Variants in CTPS2 observed in about 807,000 individuals in gnomAD.
CTPS2 encodes CTP synthase 2.
A neutral mutation model predicts 46.8 loss-of-function variants in CTPS2; 19 were observed. That is an observed-to-expected ratio of 0.41 (90% confidence interval 0.28 to 0.60). The LOEUF is 0.60. Among genes scored for constraint, CTPS2 ranks in the 20% least tolerant of loss-of-function variants. CTPS2 has a pLI of 0.35. For synonymous variants in CTPS2, 151 were observed against 165.2 expected, an observed-to-expected ratio of 0.91 and a Z score of 0.66; for missense variants, 286 against 447.6, an observed-to-expected ratio of 0.64 and a Z score of 3.26.
In CTPS2 at chrX:16,691,600, C is replaced by A; in HGVS notation, c.660G>T (p.Thr220=). ...TCTCCTTCACGGCCATCTCAATGGG[C>A]GTTGAACTTCGGCAGACAATCTGTC... is the stretch of plus-strand genomic sequence containing the variant. The part of the protein sequence containing the change: ...SPDLIVCRSS[T]PIEMAVKEKI... Residue 220 remains threonine (T), a synonymous_variant, in exon 7 of 19, where the codon ACG becomes ACT. Coordinates refer to ENST00000359276, the MANE Select transcript of CTPS2 (RefSeq NM_175859.3). 8.3e-7 allele frequency: 1 copy of A among 1,209,744 alleles called. No homozygotes were observed.
intron 13 of CTPS2, among the ~76,000 whole-genome samples, chrX:16,653,336 C>T (rs1416817956): frequency 8.9e-6 from 1 of 112,037 alleles, no homozygotes; most frequent in Non-Finnish European, 1.9e-5. Flanking sequence ...ACATCTCAAG[C>T]AGTGGTTCTC....
chrX:16,639,046 G>A, intron 14 of CTPS2, 101 bp downstream of exon 14: 1 of 627,204 alleles, frequency 1.6e-6, no homozygotes, highest in Non-Finnish European at 2.7e-6. Flanking sequence ...CGAGGATGCT[G>A]GAAGGGGCAG....
chrX:16,653,726 A>G (rs1932755633), intron 13 of CTPS2, among the ~76,000 whole-genome samples: 1 of 112,427 alleles, frequency 8.9e-6, no homozygotes. Flanking sequence ...ATGCTAAAGC[A>G]TGGGAACCAT....
intron 13 of CTPS2, among the ~76,000 whole-genome samples, chrX:16,658,738 G>T (rs184993342): frequency 1.2e-4 from 13 of 112,346 alleles, no homozygotes; most frequent in African/African-American, 4.2e-4. Context: ...TCACGATGGT[G>T]CACATTTTTT....
chrX:16,654,396 G>T, intron 13 of CTPS2: 1 of 1,119,899 alleles, frequency 8.9e-7, no homozygotes, highest in Middle Eastern at 2.5e-4. Context: ...CCTTTTTTAT[G>T]TAAAACAGGG....
intron 17 of CTPS2, among the ~76,000 whole-genome samples, chrX:16,594,023 T>C (rs944509343): frequency 9.0e-6 from 1 of 111,699 alleles, no homozygotes; most frequent in Non-Finnish European, 1.9e-5. Flanking sequence ...GAAGTTGCAC[T>C]CAACTTCCTA....
chrX:16,672,880 TC>T (rs1921874346), intron 10 of CTPS2, among the ~76,000 whole-genome samples: 1 of 95,851 alleles, frequency 1.0e-5, no homozygotes, highest in Non-Finnish European at 2.0e-5. Flanking sequence ...GTGAGGCTAC[TC>T]TTTTTTTTTT....
chrX:16,634,481 G>A (rs1220628941), intron 14 of CTPS2, among the ~76,000 whole-genome samples: 1 of 111,641 alleles, frequency 9.0e-6, no homozygotes, highest in Non-Finnish European at 1.9e-5. Context: ...CACAGGAAGG[G>A]AACTTCTAGG....
At chrX:16,595,246 T>A (rs1437914730) in intron 17 of CTPS2, among the ~76,000 whole-genome samples, 2 of 111,933 alleles carry the variant, frequency 1.8e-5, no homozygotes, top group Non-Finnish European at 3.8e-5. Flanking sequence ...TTAAATTTTA[T>A]GAAGTGGTAT....
intron 15 of CTPS2, among the ~76,000 whole-genome samples, chrX:16,619,951 G>A (rs1930731584): frequency 9.0e-6 from 1 of 111,272 alleles, no homozygotes; most frequent in Non-Finnish European, 1.9e-5. Flanking sequence ...AAAGGGTGGG[G>A]GCTAAGGATA....
chrX:16,610,403 A>G (rs188379565), intron 16 of CTPS2, among the ~76,000 whole-genome samples: 297 of 111,499 alleles, frequency 2.7e-3, no homozygotes, highest in African/African-American at 9.0e-3. Context: ...ATTCAAAATC[A>G]CAAATTCCCA....
chrX:16,664,248 C>A (rs1405327831), intron 13 of CTPS2, among the ~76,000 whole-genome samples: 1 of 112,378 alleles, frequency 8.9e-6, no homozygotes, highest in Non-Finnish European at 1.9e-5. Context: ...AAATCACTTC[C>A]TATCCCAAAG....
chrX:16,708,388 G>A (rs911085759), intron 1 of CTPS2, among the ~76,000 whole-genome samples: 5 of 110,808 alleles, frequency 4.5e-5, no homozygotes, highest in African/African-American at 9.8e-5. Flanking sequence ...CAATGCCATC[G>A]CACATCTTCA....
At chrX:16,676,371 C>T (rs1922273770) in intron 10 of CTPS2, among the ~76,000 whole-genome samples, 1 of 111,280 alleles carries the variant, frequency 9.0e-6, no homozygotes. Flanking sequence ...TATCTTGGGA[C>T]CTCAAAAAGA....
At chrX:16,635,676 A>G (rs1931708593) in intron 14 of CTPS2, among the ~76,000 whole-genome samples, 1 of 112,213 alleles carries the variant, frequency 8.9e-6, no homozygotes, top group South Asian at 3.7e-4. Context: ...CTCCGTCTCA[A>G]AAAACAAAAG....
rs35798035 is a variant in CTPS2 at position 16,687,474 on chromosome X, C to CAA, written c.872+1974_872+1975dup. On this transcript the variant is annotated intron_variant, in intron 8 of 18. Transcript: ENST00000359276. ...TGGGCAACAGAGCAACACCCTGTGT[C>CAA]AAAAAAAAAAAAAAAAAAAAGAAAG... is the stretch of plus-strand genomic sequence containing the variant. 6.1e-3 allele frequency among the ~76,000 whole-genome samples: 268 copies of CAA among 44,227 alleles called. 4 individuals are homozygous for CAA. Among genetic ancestry groups the CAA allele is most frequent in the East Asian group, 0.018 (24 of 1,324 alleles). 38.4% of individuals were successfully genotyped at this position (44,227 alleles called of 115,157 possible). A position where few individuals can be genotyped will look rare whatever the true frequency, so the allele number is the denominator to read the frequency against.
chrX:16,680,577 A>C (rs1252212308), intron 9 of CTPS2, among the ~76,000 whole-genome samples: 1 of 110,374 alleles, frequency 9.1e-6, no homozygotes, highest in African/African-American at 3.3e-5. Flanking sequence ...AAGAAAAAGA[A>C]AAGAAAAGAA....
intron 13 of CTPS2, among the ~76,000 whole-genome samples, chrX:16,660,929 G>A (rs1184897272): frequency 9.1e-6 from 1 of 109,650 alleles, no homozygotes; most frequent in African/African-American, 3.3e-5. Flanking sequence ...AGAGTGGTCT[G>A]TAAAAAGCTA....
intron 8 of CTPS2, among the ~76,000 whole-genome samples, chrX:16,683,784 G>A (rs931592814): frequency 8.9e-6 from 1 of 112,193 alleles, no homozygotes; most frequent in African/African-American, 3.2e-5. Context: ...TGCATTCTGC[G>A]TGTCAGTAGG....
Sources: allele counts gnomAD v4.1 joint callset (sites outside exome capture counted in the v4.1 genomes callset), GRCh38; gene constraint gnomAD v4.1.1; transcripts MANE v1.5; gene names NCBI Gene and HGNC (gene_info 2026-07-23, HGNC 2026-07-21).